The following MEGF10 variants were observed in gnomAD, a reference collection of about 807,000 sequenced individuals.
MEGF10 encodes the protein multiple EGF like domains 10.
In MEGF10, 86 loss-of-function variants were observed where a neutral mutation model predicts 147.5. The observed-to-expected ratio is 0.58, with a 90% CI of 0.49 to 0.70. MEGF10 has a LOEUF of 0.70. MEGF10 is among the 30% of genes least tolerant of loss of function. MEGF10 has a pLI of 0.00. For missense variants in MEGF10, 1,329 were observed against 1,487.3 expected (o/e 0.89, Z 1.75); for synonymous variants, 478 against 525.5 (o/e 0.91, Z 1.24).
Position 127,457,667 on chromosome 5 carries a change from T to A in MEGF10, c.*349T>A. On this transcript the variant is annotated 3_prime_UTR_variant, in exon 25 of 25. Coordinates refer to ENST00000503335, the MANE Select transcript of MEGF10 (RefSeq NM_001256545.2). ...GATTGTTGCTTGAAAAATTAAAATT[T>A]GAATATTTTCTCTCTCATTTGCATC... is the stretch of plus-strand genomic sequence containing the variant. The A allele has an allele frequency of 4.1e-6, 1 of 246,152 alleles. No homozygotes were observed. Among genetic ancestry groups the A allele is most frequent in the Admixed American group, 5.1e-5 (1 of 19,764 alleles). 15.2% of individuals were successfully genotyped at this position (246,152 alleles called of 1,614,324 possible).
At chr5:127,320,894 A>G (rs1443372945) in intron 1 of MEGF10, among the ~76,000 whole-genome samples, 1 of 152,220 alleles carries the variant, frequency 6.6e-6, no homozygotes, top group African/African-American at 2.4e-5. Context: ...TGAGTCACAA[A>G]TGTCACTGAT....
chr5:127,422,701 G>C lies in MEGF10; in HGVS notation c.1622G>C (p.Arg541Pro). 6.2e-7 allele frequency: 1 copy of C among 1,614,006 alleles called. No individual in the cohort carries two copies. The highest frequency in any genetic ancestry group is 1.1e-5 in the South Asian group (1 of 91,074). Residue 541 changes from arginine to proline, a missense_variant, in exon 13 of 25, where the codon CGC (arginine) becomes CCC (proline). By Grantham distance (103) the Arg-to-Pro change is moderately radical (BLOSUM62 -2). This residue lies in a region of MEGF10 where 980 missense variants were observed against 1,085.9 expected (regional missense o/e 0.90). Coordinates refer to ENST00000503335, the MANE Select transcript of MEGF10 (RefSeq NM_001256545.2). Reference protein sequence around the residue: ...DGTYGLNCAERCDCSHADGCH... With the variant: ...DGTYGLNCAEPCDCSHADGCH... ...ACGTACGGGCTGAACTGTGCTGAGC[G>C]CTGCGACTGCAGCCACGCAGATGGC...
At chr5:127,262,144 C>T in the MEGF10 span, among the ~76,000 whole-genome samples, 22 of 152,068 alleles carry the variant, frequency 1.4e-4, no homozygotes, top group Non-Finnish European at 2.5e-4. Context: ...ATTCCTTTTG[C>T]TGCTTGTGCT....
intron 13 of MEGF10, among the ~76,000 whole-genome samples, chr5:127,423,494 C>T (rs1403280730): frequency 6.6e-6 from 1 of 152,202 alleles, no homozygotes; most frequent in Non-Finnish European, 1.5e-5. Flanking sequence ...ACTTTACATT[C>T]CTACCAGTAA....
intron 13 of MEGF10, among the ~76,000 whole-genome samples, chr5:127,429,818 T>C (rs892028600): frequency 2.0e-5 from 3 of 152,184 alleles, no homozygotes; most frequent in African/African-American, 7.2e-5. Flanking sequence ...CTTCTGGCCA[T>C]CTTCTGCCCT....
At chr5:127,407,735 T>C (rs1764388076) in intron 8 of MEGF10, among the ~76,000 whole-genome samples, 1 of 152,174 alleles carries the variant, frequency 6.6e-6, no homozygotes, top group Admixed American at 6.5e-5. Flanking sequence ...ATGGTGCTTC[T>C]TGAAGATAAA....
chr5:127,439,051 C>T lies in MEGF10; in HGVS notation c.2233+484C>T, dbSNP rs142122629. On this transcript the variant is annotated intron_variant, in intron 17 of 24. Transcript: ENST00000503335. ...GAAGCTAGTTCCATCCCCAGAAAGC[C>T]GGAAGCAGCGAGTCTGGGCTGGCAC... 3.8e-3 allele frequency among the ~76,000 whole-genome samples: 585 copies of T among 152,298 alleles called. 3 individuals carry two copies. The highest frequency in any genetic ancestry group is 0.012 in the African/African-American group (516 of 41,558).
the MEGF10 span, among the ~76,000 whole-genome samples, chr5:127,257,805 T>C: frequency 4.6e-5 from 7 of 152,202 alleles, no homozygotes; most frequent in African/African-American, 1.7e-4. Context: ...GACAAAAAAA[T>C]GTATAATTCT....
chr5:127,436,865 G>A (rs1029495271), intron 16 of MEGF10, among the ~76,000 whole-genome samples: 2 of 152,180 alleles, frequency 1.3e-5, no homozygotes, highest in Admixed American at 6.5e-5. Flanking sequence ...TTGTGAGCCT[G>A]TCTAAAGAGA....
chr5:127,423,112 T>C (rs1350923749), intron 13 of MEGF10, among the ~76,000 whole-genome samples: 1 of 152,160 alleles, frequency 6.6e-6, no homozygotes, highest in Non-Finnish European at 1.5e-5. Context: ...CCTAAAAATA[T>C]GACAAGGGTC....
chr5:127,440,903 T>C, intron 18 of MEGF10, 36 bp downstream of exon 18: 1 of 1,603,670 alleles, frequency 6.2e-7, no homozygotes, highest in South Asian at 1.1e-5. Context: ...GGGTGGTATT[T>C]TTTTCCTCTA....
Position 127,410,410 on chromosome 5 carries a change from TG to T in MEGF10, c.942del (p.Thr315ProfsTer21). On this transcript the variant is annotated frameshift_variant, in exon 9 of 25. Transcript: ENST00000503335. LOFTEE classifies it high-confidence loss of function. ...GTAGGTGCCAGGATGAGTGTCCTGTTGGGACCTATGGCGTTCTCTGTGCTGA... is the reference window on the plus strand; with the variant it reads ...GTAGGTGCCAGGATGAGTGTCCTGTTGGACCTATGGCGTTCTCTGTGCTGA... ...GERCQDECPV[G>X]TYGVLCAETC... is the part of the protein sequence containing the mutation. 3.1e-6 allele frequency: 5 copies of T among 1,614,270 alleles called. No individual in the cohort carries two copies. The highest frequency in any genetic ancestry group is 4.2e-6 in the Non-Finnish European group (5 of 1,180,048).
chr5:127,370,175 C>T (rs1409328856), intron 5 of MEGF10, among the ~76,000 whole-genome samples, 173 bp downstream of exon 5: 3 of 152,170 alleles, frequency 2.0e-5, no homozygotes, highest in African/African-American at 7.2e-5. Flanking sequence ...TGTACATATA[C>T]ATTATTCGTT....
At chr5:127,257,580 CTCAA>C in the MEGF10 span, among the ~76,000 whole-genome samples, 3 of 152,276 alleles carry the variant, frequency 2.0e-5, no homozygotes, top group South Asian at 6.2e-4. Flanking sequence ...TGAGAAAAGT[CTCAA>C]TCAATTTAGA....
At chr5:127,239,476 A>AAAAT in the MEGF10 span, among the ~76,000 whole-genome samples, 1 of 142,530 alleles carries the variant, frequency 7.0e-6, no homozygotes, top group Non-Finnish European at 1.5e-5. Flanking sequence ...ATATATATAT[A>AAAAT]ATATATATAC....
chr5:127,445,657 G>T lies in MEGF10; in HGVS notation c.2692G>T (p.Ala898Ser). ...CATGCCAGCAGTTACCTACACCCCT[G>T]CTATGAGGGTCGTCAATGCAGATTA... ...SSMPAVTYTPAMRVVNADYTI... is the reference protein window; with the variant it reads ...SSMPAVTYTPSMRVVNADYTI... Residue 898 changes from alanine to serine, a missense_variant, in exon 20 of 25, where the codon GCT (alanine) becomes TCT (serine). This residue lies in a region of MEGF10 where 343 missense variants were observed against 377.9 expected (regional missense o/e 0.91). Coordinates refer to ENST00000503335, the MANE Select transcript of MEGF10 (RefSeq NM_001256545.2). The T allele has an allele frequency of 1.2e-6, 2 of 1,614,062 alleles. No homozygotes were observed. Among genetic ancestry groups the T allele is most frequent in the Non-Finnish European group, 1.7e-6 (2 of 1,179,974 alleles).
intron 1 of MEGF10, among the ~76,000 whole-genome samples, chr5:127,328,370 TAC>T (rs760123290): frequency 6.6e-6 from 1 of 152,032 alleles, no homozygotes; most frequent in African/African-American, 2.4e-5. Flanking sequence ...TCCACACATA[TAC>T]ACACACACAC....
the MEGF10 span, among the ~76,000 whole-genome samples, chr5:127,257,307 T>TAAAA: frequency 3.8e-5 from 5 of 130,432 alleles, no homozygotes; most frequent in South Asian, 5.3e-4. Flanking sequence ...TTCTTTTTAT[T>TAAAA]AAAAAAAAAA....
At chr5:127,381,142 A>G (rs939433051) in intron 5 of MEGF10, among the ~76,000 whole-genome samples, 9 of 152,222 alleles carry the variant, frequency 5.9e-5, no homozygotes, top group African/African-American at 2.2e-4. Context: ...TGGAAATTCT[A>G]TGTGAGGATG....
Sources: gnomAD v4.1 joint callset for allele counts (sites outside exome capture counted in the v4.1 genomes callset) on GRCh38, gnomAD v4.1.1 for gene constraint, gnomAD v4.1.1 regional missense constraint, MANE v1.5 for transcripts, NCBI Gene and HGNC (gene_info 2026-07-23, HGNC 2026-07-21) for gene names.